Variants in SPAG6 observed in about 807,000 individuals in gnomAD.
SPAG6 encodes sperm-associated antigen 6.
In SPAG6, 49 loss-of-function variants were observed where a neutral mutation model predicts 58.5. The ratio of observed to expected loss-of-function variants is 0.84; its 90% CI spans 0.67 to 1.06. The LOEUF (loss-of-function observed/expected upper bound fraction) is 1.06, where lower values mean the gene tolerates loss of function less well. SPAG6 is among the 50% of genes least tolerant of loss of function. The probability of loss-of-function intolerance (pLI) is 0.00; values close to 1 mark genes in which losing one functional copy is unlikely to be tolerated. For missense variants in SPAG6, 560 were observed against 611.3 expected (o/e 0.92, Z 0.89); for synonymous variants, 233 against 225.6 (o/e 1.03, Z -0.29).
At chr10:22,366,620 T>A (rs1456850033) in intron 3 of SPAG6, among the ~76,000 whole-genome samples, 1 of 152,206 alleles carries the variant, frequency 6.6e-6, no homozygotes, top group Non-Finnish European at 1.5e-5. Context: ...GAAATTTTCC[T>A]TATATTTATA....
At chr10:22,361,126 T>G (rs1251264088) in intron 2 of SPAG6, 1 of 360,248 alleles carries the variant, frequency 2.8e-6, no homozygotes, top group East Asian at 4.5e-5. Flanking sequence ...GACTATTTTC[T>G]TTTCCAATAA....
chr10:22,395,429 T>G (rs1239421734), intron 8 of SPAG6, among the ~76,000 whole-genome samples: 1 of 152,212 alleles, frequency 6.6e-6, no homozygotes, highest in Non-Finnish European at 1.5e-5. Context: ...TCCTAGTGGG[T>G]TTGAATTGGT....
chr10:22,388,842 T>G (rs1264089793), intron 6 of SPAG6, among the ~76,000 whole-genome samples: 2 of 151,738 alleles, frequency 1.3e-5, no homozygotes, highest in African/African-American at 2.4e-5. Flanking sequence ...GATGGGGGGG[T>G]TTCAGTAGTT....
chr10:22,368,377 CA>C, intron 3 of SPAG6, 117 bp from the exon 4 acceptor site: 1 of 701,490 alleles, frequency 1.4e-6, no homozygotes, highest in Non-Finnish European at 2.3e-6. Context: ...CTTTTATATT[CA>C]AAAGCTGTTG....
intron 8 of SPAG6, among the ~76,000 whole-genome samples, chr10:22,399,326 C>T (rs1000120370): frequency 3.3e-5 from 5 of 152,188 alleles, no homozygotes; most frequent in Non-Finnish European, 5.9e-5. Flanking sequence ...CAATTATACC[C>T]ACCAGCTCCA....
chr10:22,349,693 A>G (rs747708941), intron 2 of SPAG6, among the ~76,000 whole-genome samples: 4 of 152,228 alleles, frequency 2.6e-5, no homozygotes, highest in African/African-American at 7.2e-5. Context: ...ATTACAACCT[A>G]TAGTAGAACA....
Position 22,368,542 on chromosome 10 carries a change from A to G in SPAG6, c.336A>G (p.Lys112=), listed in dbSNP as rs1442854134. The change falls in exon 4 of 11, where the codon AAA becomes AAG. Residue 112 remains lysine (K), a synonymous_variant. Coordinates refer to ENST00000376624, the MANE Select transcript of SPAG6 (RefSeq NM_012443.4). ...AAAFVLRAVG[K]HSPQLAQAIV... is the part of the protein sequence containing the mutation. Reference sequence around the variant, plus strand: ...CCTTTGTGTTACGAGCAGTTGGTAAACATTCTCCCCAGCTAGCTCAGGCAA... The same window carrying G: ...CCTTTGTGTTACGAGCAGTTGGTAAGCATTCTCCCCAGCTAGCTCAGGCAA... The G allele has an allele frequency of 3.7e-6, 6 of 1,613,812 alleles. No individual in the cohort carries two copies. Among genetic ancestry groups the G allele is most frequent in the Non-Finnish European group, 5.1e-6 (6 of 1,179,960 alleles).
chr10:22,409,301 A>G (rs1032386853), intron 9 of SPAG6, among the ~76,000 whole-genome samples: 1 of 152,242 alleles, frequency 6.6e-6, no homozygotes, highest in Admixed American at 6.5e-5. Flanking sequence ...TAAAACCAAT[A>G]TATTTATAGA....
intron 5 of SPAG6, among the ~76,000 whole-genome samples, 191 bp downstream of exon 5, chr10:22,387,150 G>A (rs1246195355): frequency 6.6e-6 from 1 of 152,082 alleles, no homozygotes; most frequent in Non-Finnish European, 1.5e-5. Context: ...AGATGTGATT[G>A]GGGAAACTAT....
intron 10 of SPAG6, among the ~76,000 whole-genome samples, chr10:22,415,546 T>G (rs1834847625): frequency 6.6e-6 from 1 of 152,178 alleles, no homozygotes; most frequent in South Asian, 2.1e-4. Context: ...GCTTTTTGGG[T>G]GTGTACATAA....
At chr10:22,386,518 T>G (rs1390574358) in intron 4 of SPAG6, among the ~76,000 whole-genome samples, 1 of 152,096 alleles carries the variant, frequency 6.6e-6, no homozygotes, top group Non-Finnish European at 1.5e-5. Flanking sequence ...CATTTCAGCC[T>G]AATCTACCTC....
intron 9 of SPAG6, among the ~76,000 whole-genome samples, chr10:22,405,843 A>G (rs1390670068): frequency 6.6e-6 from 1 of 152,148 alleles, no homozygotes; most frequent in African/African-American, 2.4e-5. Context: ...CAGAGATTCA[A>G]CTTCTTCCTG....
intron 7 of SPAG6, among the ~76,000 whole-genome samples, chr10:22,389,593 A>T (rs1418738112): frequency 2.6e-5 from 4 of 152,188 alleles, no homozygotes; most frequent in African/African-American, 9.6e-5. Flanking sequence ...TGAAGGATTA[A>T]TTGTACATAT....
chr10:22,391,009 T>C (rs1424221970), intron 7 of SPAG6, among the ~76,000 whole-genome samples: 2 of 152,234 alleles, frequency 1.3e-5, no homozygotes, highest in Non-Finnish European at 2.9e-5. Flanking sequence ...TTTGATTTTT[T>C]AAAATTGTTC....
chr10:22,378,204 C>A (rs1833867365), intron 4 of SPAG6, among the ~76,000 whole-genome samples: 1 of 151,712 alleles, frequency 6.6e-6, no homozygotes, highest in South Asian at 2.1e-4. Context: ...GCTGGGATTG[C>A]AGGTGCATGC....
intron 2 of SPAG6, among the ~76,000 whole-genome samples, chr10:22,353,457 T>A (rs575130856): frequency 6.6e-6 from 1 of 152,386 alleles, no homozygotes; most frequent in South Asian, 2.1e-4. Flanking sequence ...CCACTTGAGT[T>A]CCTTAAAACT....
chr10:22,354,644 G>A (rs1407662314), intron 2 of SPAG6, among the ~76,000 whole-genome samples: 1 of 152,070 alleles, frequency 6.6e-6, no homozygotes, highest in South Asian at 2.1e-4. Flanking sequence ...ATCCAACTTC[G>A]CATAGCTTTC....
intron 8 of SPAG6, among the ~76,000 whole-genome samples, chr10:22,400,150 G>T (rs1355239312): frequency 6.6e-6 from 1 of 152,064 alleles, no homozygotes; most frequent in Non-Finnish European, 1.5e-5. Context: ...AATGCTCCTT[G>T]ACATTTCAAG....
At chr10:22,353,592 A>G (rs1836789127) in intron 2 of SPAG6, among the ~76,000 whole-genome samples, 1 of 152,260 alleles carries the variant, frequency 6.6e-6, no homozygotes, top group Admixed American at 6.5e-5. Context: ...AAAAGAGAGA[A>G]AATTGCACAT....
Sources: allele counts gnomAD v4.1 joint callset (sites outside exome capture counted in the v4.1 genomes callset), GRCh38; gene constraint gnomAD v4.1.1; transcripts MANE v1.5; gene names NCBI Gene and HGNC (gene_info 2026-07-23, HGNC 2026-07-21).